Variants in GAPDHS observed in about 807,000 individuals in gnomAD.
GAPDHS encodes the protein glyceraldehyde-3-phosphate dehydrogenase, spermatogenic.
In GAPDHS, 42 loss-of-function variants were observed where a neutral mutation model predicts 48.7. That is an observed-to-expected ratio of 0.86 (90% CI 0.67 to 1.12). GAPDHS has a LOEUF of 1.12. GAPDHS is among the 50% of genes most tolerant of loss of function. The pLI is 0.00. For missense variants in GAPDHS, 512 were observed against 557.7 expected (o/e 0.92, Z 0.82); for synonymous variants, 166 against 219.1 (o/e 0.76, Z 2.14).
chr19:35,543,055 G>C, intron 7 of GAPDHS, 29 bp downstream of exon 7: 1 of 1,541,330 alleles, frequency 6.5e-7, no homozygotes, highest in Non-Finnish European at 9.0e-7. Flanking sequence ...GCTGGGGCAG[G>C]AAGGATGGCA....
chr19:35,535,905 G>T (rs982134672), intron 1 of GAPDHS, among the ~76,000 whole-genome samples: 7 of 151,794 alleles, frequency 4.6e-5, no homozygotes, highest in Admixed American at 2.6e-4. Context: ...GAGGAGCTGG[G>T]ATTACAGTAT....
intron 2 of GAPDHS, among the ~76,000 whole-genome samples, chr19:35,538,078 A>AATATAT (rs59068277): frequency 2.7e-5 from 4 of 150,026 alleles, no homozygotes; most frequent in Admixed American, 1.3e-4. Context: ...TCCATCTCAA[A>AATATAT]ATATATATAT....
At chr19:35,534,251 G>A (rs1162752103) in intron 1 of GAPDHS, among the ~76,000 whole-genome samples, 1 of 152,148 alleles carries the variant, frequency 6.6e-6, no homozygotes, top group Non-Finnish European at 1.5e-5. Context: ...AGGTCTTCCG[G>A]TGGGCTGCCT....
chr19:35,543,212 C>G, intron 7 of GAPDHS, 128 bp from the exon 8 acceptor site: 1 of 1,167,434 alleles, frequency 8.6e-7, no homozygotes, highest in Non-Finnish European at 1.3e-6. Context: ...CTGCACACAT[C>G]CCCTCCTGTG....
chr19:35,543,798 G>A lies in GAPDHS; in HGVS notation c.1027G>A (p.Ala343Thr), dbSNP rs777036280. ...AVKAAAKGPM[A>T]GILAYTEDEV... ...AAAAGCAGCAGCCAAGGGGCCCATG[G>A]CTGGCATCCTTGCCTACACCGAGGA... is the stretch of plus-strand genomic sequence containing the variant. Residue 343 changes from alanine (A) to threonine (T), a missense_variant, in exon 9 of 11, where the codon GCT becomes ACT. By Grantham distance (58) the Ala-to-Thr change is moderately conservative. Transcript: ENST00000222286. 1.9e-6 allele frequency: 3 copies of A among 1,613,128 alleles called. No individual in the cohort carries two copies. Among genetic ancestry groups the A allele is most frequent in the Non-Finnish European group, 2.5e-6 (3 of 1,179,774 alleles).
chr19:35,536,667 G>A, intron 1 of GAPDHS, 146 bp from the exon 2 acceptor site: 1 of 619,704 alleles, frequency 1.6e-6, no homozygotes, highest in Non-Finnish European at 2.9e-6. Context: ...AGTTCATTCT[G>A]TAGAGAAAGT....
intron 1 of GAPDHS, among the ~76,000 whole-genome samples, chr19:35,536,301 C>T (rs1654050655): frequency 1.3e-5 from 2 of 151,984 alleles, no homozygotes; most frequent in African/African-American, 4.8e-5. Context: ...ATACCCCGGC[C>T]AGGCGCAGTG....
At position 35,542,396 on chromosome 19, in the gene GAPDHS, T is replaced by C. The variant is rs1212516915; in HGVS notation, c.527T>C (p.Ile176Thr). The change falls in exon 5 of 11, where the codon ATA (isoleucine) becomes ACA (threonine). Residue 176 changes from isoleucine (I) to threonine (T), a missense_variant. By Grantham distance (89) the Ile-to-Thr change is moderately conservative. Coordinates refer to ENST00000222286, the MANE Select transcript of GAPDHS (RefSeq NM_014364.5). ...VVESTGVYLS[I>T]QAASDHISAG... is the part of the protein sequence containing the mutation. The stretch of plus-strand genomic sequence containing the variant: ...GAGTCCACAGGCGTGTACCTCTCCA[T>C]ACAGGCAGCTTCGGTAAGCTGGGGA... 3.1e-6 allele frequency: 5 copies of C among 1,602,998 alleles called. No homozygotes were observed. The highest frequency in any genetic ancestry group is 1.1e-5 in the South Asian group (1 of 91,026).
chr19:35,533,531 T>G lies in GAPDHS; in HGVS notation c.4T>G (p.Ser2Ala), dbSNP rs1309159450. The change falls in exon 1 of 11, where the codon TCG (serine) becomes GCG (alanine). Residue 2 changes from serine (S) to alanine (A), a missense_variant. Transcript: ENST00000222286. M[S>A]KRDIVLTNVT... is the part of the protein sequence containing the mutation. ...AATGATAACCTTATAAGAGGCCATG[T>G]CGAAGCGCGACATCGTCCTCACCAA... The G allele has an allele frequency of 1.2e-5, 19 of 1,613,608 alleles. No homozygotes were observed. The highest frequency in any genetic ancestry group is 1.6e-5 in the Non-Finnish European group (19 of 1,179,858).
At position 35,533,579 on chromosome 19, in the gene GAPDHS, C is replaced by T. The variant is rs756867170; in HGVS notation, c.52C>T (p.Arg18Ter). The change falls in exon 1 of 11, where the codon CGA becomes TGA. Residue 18 changes from arginine (R) to a stop codon, truncating the protein, a stop_gained. Coordinates refer to ENST00000222286, the MANE Select transcript of GAPDHS (RefSeq NM_014364.5). LOFTEE classifies it high-confidence loss of function. ...CAATGTCACCGTTGTCCAGTTGCTG[C>T]GACAGCCGTGCCCGGGTGAGGGAGG... ...LTNVTVVQLL[R>*]QPCPVTRAPP... 2 of 1,612,054 alleles carry T rather than the reference C, an allele frequency of 1.2e-6. No individual in the cohort carries two copies. The highest frequency in any genetic ancestry group is 1.1e-5 in the South Asian group (1 of 91,050).
intron 1 of GAPDHS, 131 bp downstream of exon 1, chr19:35,533,725 C>T: frequency 1.6e-6 from 1 of 633,484 alleles, no homozygotes; most frequent in Non-Finnish European, 2.7e-6. Flanking sequence ...GGGGATCAGC[C>T]GCTCTCCCTC....
Position 35,543,369 on chromosome 19 carries a change from G to A in GAPDHS, c.771G>A (p.Gln257=). 1.2e-6 allele frequency: 2 copies of A among 1,613,100 alleles called. No individual in the cohort carries two copies. The highest frequency in any genetic ancestry group is 1.7e-6 in the Non-Finnish European group (2 of 1,179,698). ...MTTVHSYTAT[Q]KTVDGPSRKA... is the part of the protein sequence containing the mutation. ...CAGTCCATTCCTACACGGCCACCCAGAAGACAGTGGACGGGCCATCAAGGA... is the reference window on the plus strand; with the variant it reads ...CAGTCCATTCCTACACGGCCACCCAAAAGACAGTGGACGGGCCATCAAGGA... The change falls in exon 8 of 11, where the codon CAG becomes CAA. Residue 257 remains glutamine (Q), a synonymous_variant. Transcript: ENST00000222286.
At position 35,538,582 on chromosome 19, in the gene GAPDHS, C is replaced by T. The variant is rs1366195997; in HGVS notation, c.348C>T (p.Tyr116=). The T allele has an allele frequency of 6.3e-7, 1 of 1,593,482 alleles. No individual in the cohort carries two copies. The highest frequency in any genetic ancestry group is 1.7e-5 in the Admixed American group (1 of 59,954). Residue 116 remains tyrosine, a synonymous_variant, in exon 4 of 11, where the codon TAC becomes TAT. Transcript: ENST00000222286. ...DPFIDPEYMV[Y]MFKYDSTHGR... is the part of the protein sequence containing the mutation. ...AGCCATTCCATCCCCCACAGGTGTA[C>T]ATGTTTAAGTATGACTCCACCCACG...
chr19:35,538,235 C>T (rs968297454), intron 2 of GAPDHS, 72 bp from the exon 3 acceptor site: 1 of 1,042,586 alleles, frequency 9.6e-7, no homozygotes, highest in Non-Finnish European at 1.5e-6. Context: ...GGATTCCCAA[C>T]CAGGCTCCTT....
At chr19:35,536,309 G>C (rs1318927326) in intron 1 of GAPDHS, among the ~76,000 whole-genome samples, 1 of 151,986 alleles carries the variant, frequency 6.6e-6, no homozygotes, top group African/African-American at 2.4e-5. Context: ...GCCAGGCGCA[G>C]TGGCTCACAC....
chr19:35,543,412 CG>C lies in GAPDHS; in HGVS notation c.818del (p.Gly273ValfsTer17), dbSNP rs773968043. On this transcript the variant is annotated frameshift_variant, in exon 8 of 11. Coordinates refer to ENST00000222286, the MANE Select transcript of GAPDHS (RefSeq NM_014364.5). LOFTEE classifies it high-confidence loss of function. ...ATCAAGGAAGGCCTGGCGAGATGGG[CG>C]GGGTGCCCACCAGAACATCATCCCA... ...GPSRKAWRDG[R>X]GAHQNIIPAS... The C allele has an allele frequency of 1.9e-6, 3 of 1,611,216 alleles. No individual in the cohort carries two copies. The Admixed American group carries it at 5.1e-5, about 27-fold the overall frequency.
chr19:35,539,742 C>T (rs553203961), intron 4 of GAPDHS, among the ~76,000 whole-genome samples: 1 of 152,082 alleles, frequency 6.6e-6, no homozygotes, highest in Admixed American at 6.6e-5. Context: ...GGGCAGGGGG[C>T]AGAGACTGGA....
chr19:35,542,895 T>G, intron 6 of GAPDHS, 50 bp from the exon 7 acceptor site: 1 of 1,368,316 alleles, frequency 7.3e-7, no homozygotes, highest in South Asian at 1.2e-5. Context: ...GGTGGAGGGG[T>G]GGCTCTGCGA....
intron 9 of GAPDHS, 124 bp from the exon 10 acceptor site, chr19:35,544,785 G>A: frequency 1.4e-6 from 1 of 710,584 alleles, no homozygotes; most frequent in Non-Finnish European, 2.6e-6. Context: ...ACTGGACACA[G>A]TAGGGCTACA....
Sources: gnomAD v4.1 joint callset for allele counts (sites outside exome capture counted in the v4.1 genomes callset) on GRCh38, gnomAD v4.1.1 for gene constraint, MANE v1.5 for transcripts, NCBI Gene and HGNC (gene_info 2026-07-23, HGNC 2026-07-21) for gene names.